PREX2: variants seen among roughly 807,000 people sequenced by gnomAD.
PREX2 encodes the protein phosphatidylinositol-3,4,5-trisphosphate dependent Rac exchange factor 2.
In PREX2, 107 loss-of-function variants were observed where a neutral mutation model predicts 203.2. That is an observed-to-expected ratio of 0.53 (90% confidence interval 0.45 to 0.62). The LOEUF (loss-of-function observed/expected upper bound fraction) is 0.62, where lower values mean the gene tolerates loss of function less well. PREX2 is among the 20% of genes least tolerant of loss of function. The pLI is 0.00. For missense variants in PREX2, 1,777 were observed against 1,955.9 expected (o/e 0.91, Z 1.72); for synonymous variants, 672 against 663.6 (o/e 1.01, Z -0.19).
chr8:68,126,871 G>A (rs898289809), intron 30 of PREX2, among the ~76,000 whole-genome samples: 2 of 151,640 alleles, frequency 1.3e-5, no homozygotes, highest in Non-Finnish European at 2.9e-5. Flanking sequence ...ATGTGTGTGT[G>A]TATATATATG....
At chr8:68,077,163 T>C (rs1027015315) in intron 14 of PREX2, among the ~76,000 whole-genome samples, 1 of 152,264 alleles carries the variant, frequency 6.6e-6, no homozygotes, top group Non-Finnish European at 1.5e-5. Context: ...TACAATAAAG[T>C]ATGTTTGTTT....
At chr8:68,116,039 G>C in intron 26 of PREX2, 107 bp downstream of exon 26, 1 of 936,392 alleles carries the variant, frequency 1.1e-6, no homozygotes, top group Non-Finnish European at 1.6e-6. Flanking sequence ...CTTTTAATTG[G>C]TCTTTCACAA....
chr8:68,183,586 T>C (rs1262911388), intron 35 of PREX2, among the ~76,000 whole-genome samples: 1 of 152,108 alleles, frequency 6.6e-6, no homozygotes. Flanking sequence ...CAGTGATATG[T>C]ACATATCGCA....
intron 35 of PREX2, among the ~76,000 whole-genome samples, chr8:68,158,108 T>G (rs1036344785): frequency 1.7e-3 from 38 of 21,836 alleles, no homozygotes; most frequent in South Asian, 2.8e-3. Flanking sequence ...TGTATATATA[T>G]GTGTGTATAT....
chr8:68,048,451 C>A (rs1265574267), intron 8 of PREX2, among the ~76,000 whole-genome samples: 15 of 151,870 alleles, frequency 9.9e-5, no homozygotes, highest in Non-Finnish European at 5.9e-5. Context: ...TCAATATATT[C>A]GTCAAATTCG....
At chr8:68,063,632 T>C (rs1808927821) in intron 11 of PREX2, among the ~76,000 whole-genome samples, 1 of 152,142 alleles carries the variant, frequency 6.6e-6, no homozygotes, top group Non-Finnish European at 1.5e-5. Context: ...ACCAGCTAGG[T>C]TTTCTTCCCA....
At chr8:68,080,986 G>T (rs1396744365) in intron 17 of PREX2, 148 bp downstream of exon 17, 5 of 634,348 alleles carry the variant, frequency 7.9e-6, no homozygotes, top group Non-Finnish European at 1.1e-5. Context: ...TTACTCACAG[G>T]TTCTACTGAA....
At chr8:68,120,322 A>G in intron 29 of PREX2, 36 bp downstream of exon 29, 1 of 1,414,926 alleles carries the variant, frequency 7.1e-7, no homozygotes, top group Non-Finnish European at 1.0e-6. Context: ...GAAGCAATTG[A>G]GAAAAACAAG....
At chr8:68,218,698 C>G (rs1382071131) in intron 38 of PREX2, among the ~76,000 whole-genome samples, 4 of 152,172 alleles carry the variant, frequency 2.6e-5, no homozygotes, top group African/African-American at 9.7e-5. Context: ...AGAATGCCAA[C>G]AAAGCCCATG....
intron 37 of PREX2, among the ~76,000 whole-genome samples, chr8:68,207,331 A>G (rs1437688929): frequency 3.3e-5 from 5 of 152,232 alleles, no homozygotes; most frequent in Non-Finnish European, 7.3e-5. Context: ...TCCATAATGC[A>G]TTGATCACTT....
intron 23 of PREX2, among the ~76,000 whole-genome samples, chr8:68,100,707 T>C (rs938100413): frequency 3.9e-5 from 6 of 152,188 alleles, no homozygotes; most frequent in African/African-American, 1.4e-4. Flanking sequence ...TGGCAGCTCC[T>C]GTACATTTTG....
At chr8:67,960,194 A>G (rs554773960) in intron 1 of PREX2, among the ~76,000 whole-genome samples, 25 of 152,102 alleles carry the variant, frequency 1.6e-4, no homozygotes, top group Non-Finnish European at 5.9e-5. Context: ...GGCACATGCC[A>G]CAATGCCCAG....
Position 68,192,469 on chromosome 8 carries a change from G to C in PREX2, c.4548G>C (p.Glu1516Asp). 1 of 1,613,354 alleles carries C rather than the reference G, an allele frequency of 6.2e-7. No homozygotes were observed. The highest frequency in any genetic ancestry group is 8.5e-7 in the Non-Finnish European group (1 of 1,179,946). Residue 1516 changes from glutamate to aspartate, a missense_variant, in exon 37 of 40, where the codon GAG becomes GAC. Glu to Asp is a conservative substitution (Grantham distance 45). Transcript: ENST00000288368. ...TTGGACTGCTGTCAGTTTCCTCGGA[G>C]CTGTGCAACAGGCTGGGCGCCTGCC... is the stretch of plus-strand genomic sequence containing the variant. ...SGVGLLSVSS[E>D]LCNRLGACHI... is the part of the protein sequence containing the mutation.
At chr8:68,224,070 G>C (rs1267134511) in intron 38 of PREX2, among the ~76,000 whole-genome samples, 3 of 151,862 alleles carry the variant, frequency 2.0e-5, no homozygotes, top group African/African-American at 7.3e-5. Flanking sequence ...CCAGGCTGGA[G>C]TGCAGTGGCA....
At chr8:68,175,067 C>T (rs185096906) in intron 35 of PREX2, among the ~76,000 whole-genome samples, 75 of 152,308 alleles carry the variant, frequency 4.9e-4, no homozygotes, top group African/African-American at 1.5e-3. Context: ...CTCTACCGAA[C>T]GCCATGGCTG....
At chr8:68,059,350 C>G (rs548530015) in intron 10 of PREX2, among the ~76,000 whole-genome samples, 1 of 152,088 alleles carries the variant, frequency 6.6e-6, no homozygotes, top group East Asian at 1.9e-4. Context: ...AAACATCATC[C>G]TTATTATCTA....
chr8:67,985,270 A>G (rs934164165), intron 1 of PREX2, among the ~76,000 whole-genome samples: 1 of 152,184 alleles, frequency 6.6e-6, no homozygotes, highest in Non-Finnish European at 1.5e-5. Context: ...GAGGGATGAG[A>G]ATAAAGGGGA....
intron 37 of PREX2, among the ~76,000 whole-genome samples, chr8:68,209,844 A>G (rs1250599893): frequency 6.6e-6 from 1 of 152,190 alleles, no homozygotes; most frequent in African/African-American, 2.4e-5. Flanking sequence ...TGATCAAACT[A>G]TTGTTTGGAC....
intron 29 of PREX2, among the ~76,000 whole-genome samples, chr8:68,120,645 G>T (rs554293687): frequency 6.6e-6 from 1 of 152,240 alleles, no homozygotes; most frequent in African/African-American, 2.4e-5. Context: ...GAGAGTTGAT[G>T]AATGGAAAGG....
Sources: gnomAD v4.1 joint callset for allele counts (sites outside exome capture counted in the v4.1 genomes callset) on GRCh38, gnomAD v4.1.1 for gene constraint, MANE v1.5 for transcripts, NCBI Gene and HGNC (gene_info 2026-07-23, HGNC 2026-07-21) for gene names.